Variants in SPNS2 observed in about 807,000 individuals in gnomAD.
SPNS2 encodes SPNS lysolipid transporter 2, sphingosine-1-phosphate.
Under a neutral mutation model 57.6 loss-of-function variants are expected in SPNS2, and 37 were observed. The ratio of observed to expected loss-of-function variants is 0.64; its 90% confidence interval spans 0.49 to 0.85. The LOEUF (loss-of-function observed/expected upper bound fraction) is 0.85, where lower values mean the gene tolerates loss of function less well. SPNS2 is among the 40% of genes least tolerant of loss of function. SPNS2 has a pLI of 0.00. For synonymous variants in SPNS2, 440 were observed against 346.9 expected (o/e 1.27, Z -2.98); for missense variants, 831 against 779.1 (o/e 1.07, Z -0.79).
rs1906021886 is a variant in SPNS2, at chr17:4,538,676, G to C, written c.*1228G>C. On this transcript the variant is annotated 3_prime_UTR_variant, in exon 13 of 13. Transcript: ENST00000329078. Reference sequence around the variant, plus strand: ...TTGTGGCCAATGGGGGACCCCCCAAGAGCCAGCTTGGACAATGCTCTTCTT... The same window carrying C: ...TTGTGGCCAATGGGGGACCCCCCAACAGCCAGCTTGGACAATGCTCTTCTT... 3 of 553,042 alleles carry C rather than the reference G, an allele frequency of 5.4e-6. No homozygotes were observed. In the East Asian group the frequency reaches 9.5e-5, roughly 18 times the overall value. 34.3% of individuals were successfully genotyped at this position (553,042 alleles called of 1,614,324 possible). A position where few individuals can be genotyped will look rare whatever the true frequency, so the allele number is the denominator to read the frequency against.
intron 2 of SPNS2, among the ~76,000 whole-genome samples, chr17:4,519,555 G>A (rs552805227): frequency 8.3e-6 from 1 of 121,136 alleles, no homozygotes; most frequent in East Asian, 2.5e-4. Flanking sequence ...CTGCCCGCTC[G>A]GCCCTGGCTC....
chr17:4,529,644 C>G (rs868868290), intron 3 of SPNS2, among the ~76,000 whole-genome samples: 3 of 151,712 alleles, frequency 2.0e-5, no homozygotes, highest in African/African-American at 2.4e-5. Flanking sequence ...GCACTCCAGC[C>G]TGAGTGACAG....
rs904617889 is a variant in SPNS2 at position 4,536,931 on chromosome 17, G to C, written c.1639G>C (p.Val547Leu). The C allele has an allele frequency of 6.2e-7, 1 of 1,613,660 alleles. No homozygotes were observed. The highest frequency in any genetic ancestry group is 1.3e-5 in the African/African-American group (1 of 74,902). Residue 547 changes from valine (V) to leucine (L), a missense_variant, in exon 12 of 13, where the codon GTG (valine) becomes CTG (leucine). By Grantham distance (32) the Val-to-Leu change is conservative. This residue lies in a region of SPNS2 where 526 missense variants were observed against 400.9 expected (regional missense o/e 1.31). Coordinates refer to ENST00000329078, the MANE Select transcript of SPNS2 (RefSeq NM_001124758.3). Reference protein sequence around the residue: ...VNQLAMPPASVKV With the variant: ...VNQLAMPPASLKV ...CCAGCTGGCGATGCCGCCCGCATCTGTGAAAGTCTGAGGTGGTGAGTGCAG... is the reference window on the plus strand; with the variant it reads ...CCAGCTGGCGATGCCGCCCGCATCTCTGAAAGTCTGAGGTGGTGAGTGCAG...
At chr17:4,536,502 T>G in intron 11 of SPNS2, 76 bp downstream of exon 11, 35 of 1,401,008 alleles carry the variant, frequency 2.5e-5, no homozygotes, top group East Asian at 4.5e-5. Context: ...AGCCCTGCCC[T>G]GGGGTGGGGC....
chr17:4,512,859 GCT>G lies in SPNS2; in HGVS notation c.371-383_371-382del, dbSNP rs1447182373. Among the ~76,000 whole-genome samples, 1 of 152,200 alleles carries G rather than the reference GCT, an allele frequency of 6.6e-6. No individual in the cohort carries two copies. The highest frequency in any genetic ancestry group is 1.9e-4 in the East Asian group (1 of 5,182). ...CCCCGCAGCTTTCAGGGCCCCCGCTGCTCTCTGAGTCATGGGCTTTGTGTTCC... is the reference window on the plus strand; with the variant it reads ...CCCCGCAGCTTTCAGGGCCCCCGCTGCTCTGAGTCATGGGCTTTGTGTTCC... On this transcript the variant is annotated intron_variant, in intron 1 of 12. Coordinates refer to ENST00000329078, the MANE Select transcript of SPNS2 (RefSeq NM_001124758.3). The surrounding 1 kb of genome is among the most constrained non-coding windows in gnomAD (Gnocchi z 5.2).
In SPNS2 at chr17:4,512,241, G is replaced by T. The variant is rs1015800971; in HGVS notation, c.371-1006G>T. On this transcript the variant is annotated intron_variant, in intron 1 of 12. Coordinates refer to ENST00000329078, the MANE Select transcript of SPNS2 (RefSeq NM_001124758.3). This position sits in a 1 kb window ranked among gnomAD's most constrained non-coding sequence, Gnocchi z 5.2. ...TCACTGCAGATGTGCTATGGTCAGC[G>T]GGGCTCTGGCCTGTGCCCTGGGTCC... Among the ~76,000 whole-genome samples, 1 of 152,198 alleles carries T rather than the reference G, an allele frequency of 6.6e-6. No homozygotes were observed. Among genetic ancestry groups the T allele is most frequent in the South Asian group, 2.1e-4 (1 of 4,834 alleles).
Position 4,536,116 on chromosome 17 carries a change from T to G in SPNS2, c.1385T>G (p.Leu462Trp). 6.2e-7 allele frequency: 1 copy of G among 1,612,664 alleles called. No homozygotes were observed. The highest frequency in any genetic ancestry group is 8.5e-7 in the Non-Finnish European group (1 of 1,179,824). The change falls in exon 10 of 13, where the codon TTG becomes TGG. Residue 462 changes from leucine to tryptophan, a missense_variant. Leu to Trp is a moderately conservative substitution (Grantham distance 61). Around this residue, in one of 2 missense-constraint regions of SPNS2, gnomAD observed 526 missense variants for 400.9 expected, o/e 1.31. Transcript: ENST00000329078. The stretch of plus-strand genomic sequence containing the variant: ...ACGCGGCGCGCCACTGCCGTGGCCT[T>G]GCAGAGCTTCACCTCCCACCTGCTG... The part of the protein sequence containing the change: ...IPTRRATAVA[L>W]QSFTSHLLGD...
intron 10 of SPNS2, 29 bp downstream of exon 10, chr17:4,536,203 G>A (rs781210996): frequency 1.2e-6 from 2 of 1,608,316 alleles, no homozygotes; most frequent in African/African-American, 2.7e-5. Context: ...GGGCTGGCCA[G>A]GGCAGGCTGG....
In SPNS2 at chr17:4,536,109, G is replaced by A. The variant is rs780061707; in HGVS notation, c.1378G>A (p.Val460Met). The A allele has an allele frequency of 5.1e-5, 82 of 1,612,230 alleles. No homozygotes were observed. Among genetic ancestry groups the A allele is most frequent in the Non-Finnish European group, 6.6e-5 (78 of 1,179,800 alleles). Residue 460 changes from valine to methionine, a missense_variant, in exon 10 of 13, where the codon GTG (valine) becomes ATG (methionine). Coordinates refer to ENST00000329078, the MANE Select transcript of SPNS2 (RefSeq NM_001124758.3). ...CATCCCCACGCGGCGCGCCACTGCC[G>A]TGGCCTTGCAGAGCTTCACCTCCCA... ...VVIPTRRATA[V>M]ALQSFTSHLL...
intron 12 of SPNS2, 31 bp from the exon 13 acceptor site, chr17:4,537,422 C>A: frequency 2.3e-6 from 1 of 433,888 alleles, no homozygotes; most frequent in South Asian, 1.6e-5. Flanking sequence ...CCCACTAAGC[C>A]CCACTGCTGA....
chr17:4,536,591 C>G, intron 11 of SPNS2, 165 bp downstream of exon 11: 3 of 903,746 alleles, frequency 3.3e-6, no homozygotes, highest in South Asian at 3.5e-5. Context: ...GTGCCAGGGT[C>G]AGCCTGGAGC....
rs771983511 is a variant in SPNS2, at chr17:4,530,629, C to G, written c.574-3C>G. ...CCCCAGCATCCTCCACCCCTCCTCACAGTACTTCTGGCTGCTGGTCCTGTC... is the reference window on the plus strand; with the variant it reads ...CCCCAGCATCCTCCACCCCTCCTCAGAGTACTTCTGGCTGCTGGTCCTGTC... On this transcript the variant is annotated splice_region_variant and splice_polypyrimidine_tract_variant and intron_variant, in intron 3 of 12. Transcript: ENST00000329078. The G allele has an allele frequency of 6.2e-7, 1 of 1,610,898 alleles. No individual in the cohort carries two copies. The highest frequency in any genetic ancestry group is 1.1e-5 in the South Asian group (1 of 90,802).
intron 1 of SPNS2, among the ~76,000 whole-genome samples, chr17:4,508,051 G>C (rs187348581): frequency 6.6e-6 from 1 of 152,322 alleles, no homozygotes; most frequent in Non-Finnish European, 1.5e-5. Context: ...TGAGTGTCTG[G>C]GGCAAGCTGT....
chr17:4,526,659 A>C (rs768215046), intron 3 of SPNS2, among the ~76,000 whole-genome samples: 1 of 152,080 alleles, frequency 6.6e-6, no homozygotes, highest in Non-Finnish European at 1.5e-5. Context: ...CACTGGAAAG[A>C]AAGCAGGGAC....
rs564026133 is a variant in SPNS2, at chr17:4,531,113, A to T, written c.786A>T (p.Ala262=). ...VKQAAGDWHW[A]LRVSPVLGMI... The stretch of plus-strand genomic sequence containing the variant: ...AGGCAGCCGGAGACTGGCACTGGGC[A>T]TTGCGGGTAAGCCCTACGTCCCTTC... The change falls in exon 5 of 13, where the codon GCA becomes GCT. Residue 262 remains alanine, a synonymous_variant. Transcript: ENST00000329078. 6.2e-7 allele frequency: 1 copy of T among 1,613,970 alleles called. No individual in the cohort carries two copies. Among genetic ancestry groups the T allele is most frequent in the East Asian group, 2.2e-5 (1 of 44,892 alleles).
chr17:4,515,497 C>T (rs1045841420), intron 2 of SPNS2, among the ~76,000 whole-genome samples: 1 of 152,178 alleles, frequency 6.6e-6, no homozygotes, highest in Non-Finnish European at 1.5e-5. Context: ...TGCCAGCATT[C>T]TGAGGGACCC....
chr17:4,535,621 C>G (rs1325134321), intron 9 of SPNS2, among the ~76,000 whole-genome samples: 2 of 152,118 alleles, frequency 1.3e-5, no homozygotes, highest in African/African-American at 4.8e-5. Flanking sequence ...GGGCTCTGGG[C>G]TAATGGCCTC....
chr17:4,531,410 C>T (rs1277354033), intron 5 of SPNS2, among the ~76,000 whole-genome samples: 2 of 152,142 alleles, frequency 1.3e-5, no homozygotes, highest in Non-Finnish European at 2.9e-5. Flanking sequence ...AAGGATTCTC[C>T]CACCACGTCA....
At position 4,536,193 on chromosome 17, in the gene SPNS2, G is replaced by T. The variant is rs761484097; in HGVS notation, c.1443+19G>T. On this transcript the variant is annotated intron_variant, in intron 10 of 12. Transcript: ENST00000329078. ...TGGCTTTGTGAGTAGCCCCGGGGTG[G>T]GGCTGGCCAGGGCAGGCTGGGGGAC... The T allele has an allele frequency of 5.0e-6, 8 of 1,608,694 alleles. No homozygotes were observed. The highest frequency in any genetic ancestry group is 1.7e-6 in the Non-Finnish European group (2 of 1,178,274).
Sources: gnomAD v4.1 joint callset for allele counts (sites outside exome capture counted in the v4.1 genomes callset) on GRCh38, gnomAD v4.1.1 for gene constraint, gnomAD v4.1.1 regional missense constraint, Gnocchi (gnomAD v3.1) non-coding constraint, MANE v1.5 for transcripts, NCBI Gene and HGNC (gene_info 2026-07-23, HGNC 2026-07-21) for gene names.